The following RAB11FIP5 variants were observed in gnomAD, a reference collection of about 807,000 sequenced individuals.
RAB11FIP5 encodes the protein rab11 family-interacting protein 5.
In RAB11FIP5, 48 loss-of-function variants were observed where a neutral mutation model predicts 85.1. That is an observed-to-expected ratio of 0.56 (90% confidence interval 0.45 to 0.72). RAB11FIP5 has a LOEUF of 0.72. RAB11FIP5 is among the 30% of genes least tolerant of loss of function. RAB11FIP5 has a pLI of 0.00. For missense variants in RAB11FIP5, 1,491 were observed against 1,687.0 expected (o/e 0.88, Z 2.04); for synonymous variants, 729 against 727.3 (o/e 1.00, Z -0.04).
At chr2:73,088,843 C>T in intron 2 of RAB11FIP5, 36 bp downstream of exon 2, 3 of 1,537,928 alleles carry the variant, frequency 2.0e-6, no homozygotes, top group Non-Finnish European at 2.6e-6. Context: ...GAGCCAGTGC[C>T]CCCCTCCCCA....
In RAB11FIP5 at chr2:73,081,715, AG is replaced by A; in HGVS notation, c.1569-53del. The A allele has an allele frequency of 8.2e-7, 1 of 1,226,632 alleles. No homozygotes were observed. Among genetic ancestry groups the A allele is most frequent in the Non-Finnish European group, 1.0e-6 (1 of 982,982 alleles). The allele number at this position is 1,226,632 out of a possible 1,614,324, so 76.0% of individuals were successfully genotyped here. On this transcript the variant is annotated intron_variant, in intron 3 of 5. Transcript: ENST00000486777. The surrounding 1 kb of genome is among the most constrained non-coding windows in gnomAD (Gnocchi z 4.2). ...CTCCTGGTTAATGCCAAGACTGGAA[AG>A]GCCCCTGAGTCCCACGCCCCACCCC...
Position 73,075,806 on chromosome 2 carries a change from C to T in RAB11FIP5, c.3772-82G>A. 1 of 1,494,804 alleles carries T rather than the reference C, an allele frequency of 6.7e-7. No homozygotes were observed. The highest frequency in any genetic ancestry group is 9.1e-7 in the Non-Finnish European group (1 of 1,100,268). The allele number at this position is 1,494,804 out of a possible 1,614,324, so 92.6% of individuals were successfully genotyped here. On this transcript the variant is annotated intron_variant, in intron 5 of 5. Coordinates refer to ENST00000486777, the MANE Select transcript of RAB11FIP5 (RefSeq NM_001371272.1). The surrounding 1 kb of genome is among the most constrained non-coding windows in gnomAD (Gnocchi z 4.6). ...CCCGCTTGCCCGCCCGCCCGCCTGC[C>T]CACCAACACCTAAGTTTCACCACCA...
At chr2:73,100,319 C>T (rs952150655) in intron 1 of RAB11FIP5, among the ~76,000 whole-genome samples, 8 of 152,170 alleles carry the variant, frequency 5.3e-5, no homozygotes, top group Non-Finnish European at 7.3e-5. Context: ...CCACAAAAGG[C>T]CTGCAGCCTT....
chr2:73,108,095 A>G (rs1293002115), intron 1 of RAB11FIP5, among the ~76,000 whole-genome samples: 7 of 152,240 alleles, frequency 4.6e-5, no homozygotes, highest in Admixed American at 3.3e-4. Context: ...GCCAGGCAGA[A>G]GGCTCTCATC....
In RAB11FIP5 at chr2:73,075,659, C is replaced by G. The variant is rs1479572347; in HGVS notation, c.3837G>C (p.Leu1279=). The G allele has an allele frequency of 3.7e-6, 6 of 1,613,732 alleles. No homozygotes were observed. Among genetic ancestry groups the G allele is most frequent in the South Asian group, 3.3e-5 (3 of 91,040 alleles). Residue 1279 remains leucine, a synonymous_variant, in exon 6 of 6, where the codon CTG becomes CTC. Transcript: ENST00000486777. This position sits in a 1 kb window ranked among gnomAD's most constrained non-coding sequence, Gnocchi z 4.6. The part of the protein sequence containing the change: ...YHLTHDELIS[L]LLQRERELSQ... ...TCAGCTCCCGCTCCCGCTGCAGGAGCAGGCTGATGAGCTCATCGTGGGTCA... is the reference window on the plus strand; with the variant it reads ...TCAGCTCCCGCTCCCGCTGCAGGAGGAGGCTGATGAGCTCATCGTGGGTCA...
chr2:73,081,483 G>T lies in RAB11FIP5; in HGVS notation c.1749C>A (p.Ala583=). 8.1e-7 allele frequency: 1 copy of T among 1,234,834 alleles called. No individual in the cohort carries two copies. Among genetic ancestry groups the T allele is most frequent in the Non-Finnish European group, 1.0e-6 (1 of 989,802 alleles). 76.5% of individuals were successfully genotyped at this position (1,234,834 alleles called of 1,614,324 possible). A position where few individuals can be genotyped will look rare whatever the true frequency, so the allele number is the denominator to read the frequency against. ...AATAAAAATT[A]APEATPPGLL... is the part of the protein sequence containing the mutation. ...ATCCAGGTGGGGTGGCTTCAGGGGC[G>T]GCGGTGGTGGCGGCAGCGGCAGCAG... The change falls in exon 4 of 6, where the codon GCC becomes GCA. Residue 583 remains alanine, a synonymous_variant. Coordinates refer to ENST00000486777, the MANE Select transcript of RAB11FIP5 (RefSeq NM_001371272.1). The surrounding 1 kb of genome is among the most constrained non-coding windows in gnomAD (Gnocchi z 4.2).
In RAB11FIP5 at chr2:73,080,149, G is replaced by A. The variant is rs2106103099; in HGVS notation, c.3083C>T (p.Pro1028Leu). The change falls in exon 4 of 6, where the codon CCT becomes CTT. Residue 1028 changes from proline to leucine, a missense_variant. Pro to Leu is a moderately conservative substitution (Grantham distance 98, BLOSUM62 -3). Transcript: ENST00000486777. ...IWGTPEVGEG[P>L]EAPEAQGQDP... ...CTGGCCCTGGGCCTCAGGAGCCTCA[G>A]GGCCTTCTCCAACCTCTGGAGTCCC... The A allele has an allele frequency of 1.6e-6, 2 of 1,232,154 alleles. No individual in the cohort carries two copies. Among genetic ancestry groups the A allele is most frequent in the East Asian group, 6.3e-5 (2 of 31,688 alleles). The allele number at this position is 1,232,154 out of a possible 1,614,324, so 76.3% of individuals were successfully genotyped here.
At position 73,074,856 on chromosome 2, in the gene RAB11FIP5, G is replaced by A. The variant is rs775626569; in HGVS notation, c.*665C>T. On this transcript the variant is annotated 3_prime_UTR_variant, in exon 6 of 6. Coordinates refer to ENST00000486777, the MANE Select transcript of RAB11FIP5 (RefSeq NM_001371272.1). Reference sequence around the variant, plus strand: ...TGACACTCGTGGAAAGGTCAGAGGGGTCAGGGAGCAGCCTGAAGCACACAC... The same window carrying A: ...TGACACTCGTGGAAAGGTCAGAGGGATCAGGGAGCAGCCTGAAGCACACAC... 2.7e-5 allele frequency: 7 copies of A among 263,790 alleles called. No individual in the cohort carries two copies. The highest frequency in any genetic ancestry group is 4.5e-5 in the Non-Finnish European group (6 of 133,312). 16.3% of individuals were successfully genotyped at this position (263,790 alleles called of 1,614,324 possible).
chr2:73,098,753 T>C (rs1200631611), intron 1 of RAB11FIP5, among the ~76,000 whole-genome samples: 2 of 152,202 alleles, frequency 1.3e-5, no homozygotes, highest in Non-Finnish European at 2.9e-5. Flanking sequence ...GGGTATGTGT[T>C]AGATGGGAGG....
intron 1 of RAB11FIP5, among the ~76,000 whole-genome samples, chr2:73,100,853 G>A (rs573866878): frequency 6.6e-6 from 1 of 151,890 alleles, no homozygotes; most frequent in Admixed American, 6.6e-5. Flanking sequence ...TGCCCAGGCT[G>A]GAGTGCAGTG....
intron 1 of RAB11FIP5, among the ~76,000 whole-genome samples, chr2:73,094,770 AAG>A (rs1684285669): frequency 1.3e-5 from 2 of 152,170 alleles, no homozygotes; most frequent in Admixed American, 1.3e-4. Flanking sequence ...TTGCCTTCCC[AAG>A]TCCCGAGGAC....
At chr2:73,103,211 T>A (rs921357508) in intron 1 of RAB11FIP5, among the ~76,000 whole-genome samples, 24 of 152,140 alleles carry the variant, frequency 1.6e-4, no homozygotes, top group Non-Finnish European at 4.4e-5. Context: ...AGAAGATGAT[T>A]CTTATCACCT....
chr2:73,108,833 C>T (rs1684581797), intron 1 of RAB11FIP5, among the ~76,000 whole-genome samples: 2 of 152,140 alleles, frequency 1.3e-5, no homozygotes, highest in Admixed American at 6.5e-5. Flanking sequence ...CACCTGAGGT[C>T]AGGAGTTTGA....
chr2:73,087,922 T>C lies in RAB11FIP5; in HGVS notation c.1568+128A>G, dbSNP rs1418741457. 9 of 931,652 alleles carry C rather than the reference T, an allele frequency of 9.7e-6. No homozygotes were observed. In the East Asian group the frequency reaches 2.0e-4, roughly 21 times the overall value. 57.7% of individuals were successfully genotyped at this position (931,652 alleles called of 1,614,324 possible). ...CTTAGGGAGACACCCCACTAAACCA[T>C]GCAAAGCCAGAGCCCCAGCAGCCTG... On this transcript the variant is annotated intron_variant, in intron 3 of 5. Coordinates refer to ENST00000486777, the MANE Select transcript of RAB11FIP5 (RefSeq NM_001371272.1).
chr2:73,079,584 C>T, intron 4 of RAB11FIP5, 67 bp downstream of exon 4: 2 of 1,232,002 alleles, frequency 1.6e-6, no homozygotes, highest in Non-Finnish European at 2.0e-6. Flanking sequence ...CCCCTCAGTC[C>T]CTTGGGCTGT....
intron 1 of RAB11FIP5, among the ~76,000 whole-genome samples, chr2:73,102,027 G>A (rs1053909418): frequency 2.0e-5 from 3 of 152,160 alleles, no homozygotes; most frequent in South Asian, 2.1e-4. Context: ...TGAAGCACAC[G>A]GGAAGGCTCA....
intron 1 of RAB11FIP5, among the ~76,000 whole-genome samples, chr2:73,106,028 A>G (rs534302007): frequency 6.6e-6 from 1 of 152,272 alleles, no homozygotes; most frequent in East Asian, 1.9e-4. Context: ...TGCCAGCCTC[A>G]GTGATGGAGC....
At chr2:73,109,473 G>A (rs1254677207) in intron 1 of RAB11FIP5, among the ~76,000 whole-genome samples, 3 of 152,230 alleles carry the variant, frequency 2.0e-5, no homozygotes, top group Non-Finnish European at 4.4e-5. Flanking sequence ...TCAAAGTGAG[G>A]AAGTGGGATA....
intron 3 of RAB11FIP5, among the ~76,000 whole-genome samples, chr2:73,085,016 T>C (rs1200246656): frequency 2.6e-5 from 4 of 152,038 alleles, no homozygotes; most frequent in Non-Finnish European, 5.9e-5. Flanking sequence ...AGGGAGAACG[T>C]ATCATTTATC....
Sources: gnomAD v4.1 joint callset for allele counts (sites outside exome capture counted in the v4.1 genomes callset) on GRCh38, gnomAD v4.1.1 for gene constraint, Gnocchi (gnomAD v3.1) non-coding constraint, MANE v1.5 for transcripts, NCBI Gene and HGNC (gene_info 2026-07-23, HGNC 2026-07-21) for gene names.